The following PPP1R21 variants were observed in gnomAD, a reference collection of about 807,000 sequenced individuals.
PPP1R21 encodes protein phosphatase 1 regulatory subunit 21.
PPP1R21 carries 85 observed loss-of-function variants against 112.8 expected under a neutral mutation model. The ratio of observed to expected loss-of-function variants is 0.75; its 90% CI spans 0.63 to 0.90. The LOEUF (loss-of-function observed/expected upper bound fraction) is 0.90. PPP1R21 is among the 40% of genes least tolerant of loss of function. The pLI is 0.00. For missense variants in PPP1R21, 1,199 were observed against 901.5 expected (o/e 1.33, Z -4.23); for synonymous variants, 381 against 322.3 (o/e 1.18, Z -1.95).
intron 16 of PPP1R21, among the ~76,000 whole-genome samples, chr2:48,497,427 C>T (rs1303630695): frequency 1.3e-5 from 2 of 152,152 alleles, no homozygotes; most frequent in Non-Finnish European, 2.9e-5. Flanking sequence ...CTGCTCTCCT[C>T]TCCCCCAAAG....
chr2:48,472,003 G>T (rs1668531660), intron 11 of PPP1R21, among the ~76,000 whole-genome samples: 1 of 151,996 alleles, frequency 6.6e-6, no homozygotes, highest in African/African-American at 2.4e-5. Flanking sequence ...ACTTTGGGAG[G>T]CTGAGGTGGG....
intron 18 of PPP1R21, among the ~76,000 whole-genome samples, chr2:48,507,009 C>T (rs1670412029): frequency 6.6e-6 from 1 of 151,212 alleles, no homozygotes; most frequent in Non-Finnish European, 1.5e-5. Flanking sequence ...GGCAGGGTTC[C>T]AGTGGGCTTC....
intron 2 of PPP1R21, among the ~76,000 whole-genome samples, chr2:48,454,183 C>G (rs1463481802): frequency 6.6e-6 from 1 of 152,132 alleles, no homozygotes; most frequent in African/African-American, 2.4e-5. Context: ...CATGCTTGAA[C>G]TCGGGTGGCG....
Position 48,454,583 on chromosome 2 carries a change from A to T in PPP1R21, c.127-12A>T. On this transcript the variant is annotated splice_polypyrimidine_tract_variant and intron_variant, in intron 2 of 21. Transcript: ENST00000294952. ...AAACTGTGAGGACCAATCTGTTTTC[A>T]CTTTGATATAGGAGCAACTGAAAAT... is the stretch of plus-strand genomic sequence containing the variant. The T allele has an allele frequency of 6.2e-7, 1 of 1,614,006 alleles. No individual in the cohort carries two copies. The highest frequency in any genetic ancestry group is 1.3e-5 in the African/African-American group (1 of 75,042).
At chr2:48,480,039 A>G (rs371372560) in intron 13 of PPP1R21, 23 bp downstream of exon 13, 3 of 1,506,806 alleles carry the variant, frequency 2.0e-6, no homozygotes, top group Middle Eastern at 1.7e-4. Flanking sequence ...AAAGAACGTA[A>G]GCTTAAAACC....
intron 19 of PPP1R21, among the ~76,000 whole-genome samples, chr2:48,508,751 A>G (rs1670502331): frequency 6.6e-6 from 1 of 152,236 alleles, no homozygotes; most frequent in African/African-American, 2.4e-5. Context: ...TTTGGTTAAT[A>G]GGAGGCGGTT....
chr2:48,505,710 A>G (rs950887293), intron 18 of PPP1R21, 114 bp downstream of exon 18: 18 of 874,486 alleles, frequency 2.1e-5, no homozygotes, highest in Non-Finnish European at 3.2e-5. Flanking sequence ...TTTTCCTGAC[A>G]CTTCTAGCAA....
Position 48,479,989 on chromosome 2 carries a change from C to G in PPP1R21, c.1291C>G (p.Leu431Val), listed in dbSNP as rs775390933. ...TGTGTTAACAAATGTTGGTGCTGCTCTGCATGGATTTCATGACGTTATGAA... is the reference window on the plus strand; with the variant it reads ...TGTGTTAACAAATGTTGGTGCTGCTGTGCATGGATTTCATGACGTTATGAA... The part of the protein sequence containing the change: ...SSVLTNVGAA[L>V]HGFHDVMKDI... The change falls in exon 13 of 22, where the codon CTG (leucine) becomes GTG (valine). Residue 431 changes from leucine to valine, a missense_variant. Transcript: ENST00000294952. 2 of 1,612,588 alleles carry G rather than the reference C, an allele frequency of 1.2e-6. No individual in the cohort carries two copies. The highest frequency in any genetic ancestry group is 1.3e-5 in the African/African-American group (1 of 75,014).
intron 20 of PPP1R21, among the ~76,000 whole-genome samples, chr2:48,510,956 T>C (rs556428746): frequency 6.6e-6 from 1 of 152,384 alleles, no homozygotes; most frequent in South Asian, 2.1e-4. Flanking sequence ...CTTTGTTCTC[T>C]TGTTAGGCCT....
At chr2:48,470,551 A>C (rs978787589) in intron 9 of PPP1R21, among the ~76,000 whole-genome samples, 11 of 151,702 alleles carry the variant, frequency 7.3e-5, no homozygotes, top group African/African-American at 2.4e-4. Context: ...CTGTATCCTC[A>C]TTTTGATAAT....
chr2:48,469,977 T>C (rs1668430791), intron 9 of PPP1R21, among the ~76,000 whole-genome samples: 1 of 152,150 alleles, frequency 6.6e-6, no homozygotes, highest in Admixed American at 6.5e-5. Context: ...CCCAGGGCCA[T>C]GTGTCTGTGT....
intron 6 of PPP1R21, 35 bp downstream of exon 6, chr2:48,460,188 A>G (rs754843260): frequency 3.1e-6 from 5 of 1,604,762 alleles, no homozygotes; most frequent in Non-Finnish European, 3.4e-6. Flanking sequence ...AGGGTTCTGA[A>G]GCAAGACTCA....
intron 14 of PPP1R21, among the ~76,000 whole-genome samples, chr2:48,487,005 C>T (rs760606325): frequency 9.9e-5 from 15 of 152,084 alleles, no homozygotes; most frequent in East Asian, 1.9e-4. Context: ...TCCTGGGTGG[C>T]GGGGACTATG....
intron 15 of PPP1R21, 125 bp downstream of exon 15, chr2:48,491,295 G>A: frequency 9.3e-7 from 1 of 1,076,416 alleles, no homozygotes; most frequent in Non-Finnish European, 1.3e-6. Flanking sequence ...CAGGTTGTTG[G>A]TGGGTGTTGG....
At chr2:48,471,946 T>C (rs1461631447) in intron 11 of PPP1R21, among the ~76,000 whole-genome samples, 1 of 151,988 alleles carries the variant, frequency 6.6e-6, no homozygotes, top group Non-Finnish European at 1.5e-5. Flanking sequence ...AGCCCTTTTT[T>C]AAAAAAATCA....
chr2:48,440,858 A>T lies in PPP1R21; in HGVS notation c.-96A>T. The T allele has an allele frequency of 1.2e-6, 1 of 851,202 alleles. No homozygotes were observed. The highest frequency in any genetic ancestry group is 1.8e-6 in the Non-Finnish European group (1 of 540,600). 52.7% of individuals were successfully genotyped at this position (851,202 alleles called of 1,614,324 possible). ...GGCTGCGGTGGCCAAGCAGGCAGAT[A>T]CTGCCTGACCCGTTCCCGGGAGCGT... is the stretch of plus-strand genomic sequence containing the variant. On this transcript the variant is annotated 5_prime_UTR_variant, in exon 1 of 22. Coordinates refer to ENST00000294952, the MANE Select transcript of PPP1R21 (RefSeq NM_001135629.3).
At chr2:48,494,916 C>T (rs753854042) in intron 15 of PPP1R21, among the ~76,000 whole-genome samples, 3 of 151,034 alleles carry the variant, frequency 2.0e-5, no homozygotes, top group Admixed American at 1.3e-4. Context: ...CATTTTGGCC[C>T]GGCTGGTCTC....
At position 48,460,130 on chromosome 2, in the gene PPP1R21, A is replaced by T; in HGVS notation, c.576A>T (p.Glu192Asp). 1 of 1,614,176 alleles carries T rather than the reference A, an allele frequency of 6.2e-7. No individual in the cohort carries two copies. The highest frequency in any genetic ancestry group is 8.5e-7 in the Non-Finnish European group (1 of 1,180,018). Residue 192 changes from glutamate (E) to aspartate (D), a missense_variant, in exon 6 of 22, where the codon GAA (glutamate) becomes GAT (aspartate). Coordinates refer to ENST00000294952, the MANE Select transcript of PPP1R21 (RefSeq NM_001135629.3). ...KSQTLEKEAK[E>D]CRLRTEECQL... ...AGACTCTAGAAAAGGAAGCCAAGGA[A>T]TGTCGACTTCGAACGGAAGAATGGT...
intron 16 of PPP1R21, among the ~76,000 whole-genome samples, chr2:48,497,872 C>T (rs1282390366): frequency 1.3e-5 from 2 of 151,908 alleles, no homozygotes; most frequent in African/African-American, 2.4e-5. Context: ...AGGATGGTCT[C>T]GATCTCCTGA....
Sources: gnomAD v4.1 joint callset for allele counts (sites outside exome capture counted in the v4.1 genomes callset) on GRCh38, gnomAD v4.1.1 for gene constraint, MANE v1.5 for transcripts, NCBI Gene and HGNC (gene_info 2026-07-23, HGNC 2026-07-21) for gene names.